NAV3: variants seen among roughly 807,000 people sequenced by gnomAD.
NAV3 encodes pore membrane and/or filament interacting like protein 1.
A neutral mutation model predicts 244.7 loss-of-function variants in NAV3; 87 were observed. The observed-to-expected ratio is 0.36, with a 90% CI of 0.30 to 0.42. The LOEUF (loss-of-function observed/expected upper bound fraction) is 0.42, where lower values mean the gene tolerates loss of function less well. Among genes scored for constraint, NAV3 ranks in the 20% least tolerant of loss-of-function variants. The pLI, the probability that NAV3 is intolerant of heterozygous loss-of-function variation, is 1.00. For missense variants in NAV3, 2,663 were observed against 2,893.3 expected (o/e 0.92, Z 1.83); for synonymous variants, 1,126 against 1,042.2 (o/e 1.08, Z -1.55).
chr12:77,901,676 A>G (rs1396111816), intron 1 of NAV3, among the ~76,000 whole-genome samples: 1 of 152,202 alleles, frequency 6.6e-6, no homozygotes, highest in African/African-American at 2.4e-5. Context: ...CACCACCGCC[A>G]GCCTGGGCAA....
chr12:78,070,508 A>G (rs1248492373), intron 12 of NAV3, among the ~76,000 whole-genome samples: 1 of 152,034 alleles, frequency 6.6e-6, no homozygotes, highest in Non-Finnish European at 1.5e-5. Flanking sequence ...AGTGACTAGA[A>G]CAGGTTAATC....
At chr12:77,982,596 G>T (rs576765673) in intron 5 of NAV3, among the ~76,000 whole-genome samples, 6 of 152,264 alleles carry the variant, frequency 3.9e-5, no homozygotes, top group African/African-American at 1.4e-4. Context: ...AATGGGTTCT[G>T]GGTATCTATT....
At chr12:77,901,885 A>G (rs1885341553) in intron 1 of NAV3, among the ~76,000 whole-genome samples, 1 of 152,058 alleles carries the variant, frequency 6.6e-6, no homozygotes, top group African/African-American at 2.4e-5. Flanking sequence ...CAGCTCTGAG[A>G]TGCCCCAGTA....
At chr12:77,604,277 G>A (rs963164269) in intron 2 of NAV3, among the ~76,000 whole-genome samples, 4 of 151,978 alleles carry the variant, frequency 2.6e-5, no homozygotes, top group Non-Finnish European at 5.9e-5. Flanking sequence ...TAGGGTGAAA[G>A]GATCAGTGAG....
chr12:78,126,196 T>A (rs183711345), intron 16 of NAV3, among the ~76,000 whole-genome samples: 1 of 152,296 alleles, frequency 6.6e-6, no homozygotes, highest in East Asian at 1.9e-4. Context: ...CAGTGCTAAA[T>A]AATGGAGTAC....
At chr12:77,700,910 A>C (rs1450685949) in intron 2 of NAV3, among the ~76,000 whole-genome samples, 2 of 136,524 alleles carry the variant, frequency 1.5e-5, no homozygotes, top group Non-Finnish European at 3.2e-5. Context: ...ATTATGTACT[A>C]TGAACTCTTT....
intron 39 of NAV3, among the ~76,000 whole-genome samples, chr12:78,205,541 A>G (rs1007061063): frequency 7.9e-5 from 12 of 152,200 alleles, no homozygotes; most frequent in East Asian, 7.7e-4. Flanking sequence ...TATTTTGCCT[A>G]TATCAACTAA....
At chr12:78,168,998 T>A (rs533888765) in intron 24 of NAV3, 132 bp downstream of exon 24, 1 of 562,772 alleles carries the variant, frequency 1.8e-6, no homozygotes, top group African/African-American at 1.9e-5. Flanking sequence ...AATAGTTGTA[T>A]TAATACATAC....
At chr12:77,727,273 C>T (rs1259849024) in intron 2 of NAV3, among the ~76,000 whole-genome samples, 1 of 151,810 alleles carries the variant, frequency 6.6e-6, no homozygotes, top group Non-Finnish European at 1.5e-5. Context: ...ATGGAGGTTC[C>T]AGTGAGAAGT....
At chr12:77,680,462 C>A (rs900231129) in intron 2 of NAV3, among the ~76,000 whole-genome samples, 1 of 152,136 alleles carries the variant, frequency 6.6e-6, no homozygotes, top group Non-Finnish European at 1.5e-5. Flanking sequence ...TTCTCTATTT[C>A]TCTGTTAGAG....
intron 1 of NAV3, among the ~76,000 whole-genome samples, chr12:77,921,018 A>G (rs1193284260): frequency 2.0e-5 from 3 of 152,070 alleles, no homozygotes; most frequent in Non-Finnish European, 4.4e-5. Context: ...TAACAATCTC[A>G]TCATAAGAAA....
chr12:78,156,393 T>A (rs1228483409), intron 22 of NAV3, among the ~76,000 whole-genome samples: 1 of 152,170 alleles, frequency 6.6e-6, no homozygotes, highest in Admixed American at 6.6e-5. Flanking sequence ...GTTATAAGTT[T>A]TTTTGTGCAT....
intron 2 of NAV3, among the ~76,000 whole-genome samples, chr12:77,722,048 G>A (rs145306921): frequency 2.6e-5 from 4 of 152,074 alleles, no homozygotes; most frequent in Non-Finnish European, 5.9e-5. Context: ...GTGTTTCAAT[G>A]GAACTGAAAA....
At position 77,613,798 on chromosome 12, in the gene NAV3, G is replaced by A. The variant is rs181955212; in HGVS notation, c.72+41532G>A. Among the ~76,000 whole-genome samples the A allele has an allele frequency of 6.2e-4, 94 of 152,150 alleles. 1 individual carries two copies. Among genetic ancestry groups the A allele is most frequent in the Non-Finnish European group, 1.1e-3 (72 of 67,996 alleles). ...TTTGTAACTTCCCTTTGGGGTTACC[G>A]TTTTGTCCGTTAGGAACTTCCAAGT... On this transcript the variant is annotated intron_variant, in intron 2 of 8. Coordinates refer to the NAV3 transcript ENST00000550042.
At chr12:77,699,789 CTTTTTTT>C (rs35593239) in intron 2 of NAV3, among the ~76,000 whole-genome samples, 6 of 143,510 alleles carry the variant, frequency 4.2e-5, no homozygotes, top group South Asian at 2.2e-4. Context: ...TCTGCATGAC[CTTTTTTT>C]TTTTTTTTAA....
At chr12:78,092,074 C>A (rs1327563046) in intron 12 of NAV3, among the ~76,000 whole-genome samples, 1 of 152,128 alleles carries the variant, frequency 6.6e-6, no homozygotes, top group Non-Finnish European at 1.5e-5. Flanking sequence ...AGGACACAGT[C>A]GTGCACAAGA....
chr12:77,784,787 C>T (rs974855618), intron 2 of NAV3, among the ~76,000 whole-genome samples: 2 of 152,066 alleles, frequency 1.3e-5, no homozygotes, highest in African/African-American at 2.4e-5. Context: ...GACAATATAA[C>T]TAATATTTTG....
At chr12:78,037,053 G>A in intron 9 of NAV3, 1 of 702,978 alleles carries the variant, frequency 1.4e-6, no homozygotes, top group South Asian at 1.5e-5. Context: ...CAACTATGCA[G>A]AGCGGCGCTC....
intron 16 of NAV3, among the ~76,000 whole-genome samples, chr12:78,126,630 C>CTAGA (rs1302823441): frequency 2.6e-5 from 4 of 151,894 alleles, no homozygotes. Flanking sequence ...ATAAATGATA[C>CTAGA]TAGAATCAAT....
Sources: gnomAD v4.1 joint callset for allele counts (sites outside exome capture counted in the v4.1 genomes callset) on GRCh38, gnomAD v4.1.1 for gene constraint, MANE v1.5 for transcripts, NCBI Gene and HGNC (gene_info 2026-07-23, HGNC 2026-07-21) for gene names.